The following AHI1 variants were observed in gnomAD, a reference collection of about 807,000 sequenced individuals.
The protein encoded by AHI1 is Abelson helper integration site 1, also known as jouberin.
AHI1 carries 123 observed loss-of-function variants against 149.3 expected under a neutral mutation model. That is an observed-to-expected ratio of 0.82 (90% confidence interval 0.71 to 0.96). AHI1 has a LOEUF of 0.96. Ranked by LOEUF, AHI1 falls within the 40% of genes least tolerant of loss-of-function variation. AHI1 has a pLI of 0.00. For missense variants in AHI1, 1,439 were observed against 1,422.7 expected (o/e 1.01, Z -0.18); for synonymous variants, 475 against 459.8 (o/e 1.03, Z -0.42).
intron 20 of AHI1, among the ~76,000 whole-genome samples, chr6:135,421,805 G>C (rs2127995624): frequency 6.6e-6 from 1 of 152,190 alleles, no homozygotes; most frequent in African/African-American, 2.4e-5. Flanking sequence ...TATTAAAATA[G>C]GTACTTCAGC....
chr6:135,334,615 A>G (rs994623297), intron 24 of AHI1, among the ~76,000 whole-genome samples: 2 of 152,238 alleles, frequency 1.3e-5, no homozygotes, highest in African/African-American at 2.4e-5. Flanking sequence ...TTACATTGAA[A>G]AAGTTTCTAA....
At position 135,414,148 on chromosome 6, in the gene AHI1, A is replaced by G. The variant is rs1025619089; in HGVS notation, c.2765-2604T>C. Among the ~76,000 whole-genome samples, 3 of 152,224 alleles carry G rather than the reference A, an allele frequency of 2.0e-5. No individual in the cohort carries two copies. In the South Asian group the frequency reaches 6.2e-4, roughly 31 times the overall value. ...TAAATAAACAGATCAACAGAATAGT[A>G]TAGAGTGCCCAGGGTGTATAGACAA... On this transcript the variant is annotated intron_variant, in intron 20 of 28. Coordinates refer to ENST00000265602, the MANE Select transcript of AHI1 (RefSeq NM_001134831.2).
At chr6:135,302,130 T>C (rs1783954236) in intron 26 of AHI1, 1 of 984,448 alleles carries the variant, frequency 1.0e-6, no homozygotes, top group Admixed American at 6.1e-5. Flanking sequence ...TTGCTGGGAT[T>C]ACAGGTGTGC....
intron 5 of AHI1, 43 bp downstream of exon 5, chr6:135,490,580 T>C: frequency 1.2e-6 from 2 of 1,610,416 alleles, no homozygotes; most frequent in South Asian, 1.1e-5. Flanking sequence ...CTGCATTTTA[T>C]GCGCATATGT....
At chr6:135,478,638 C>G (rs192413569) in intron 5 of AHI1, among the ~76,000 whole-genome samples, 50 of 152,292 alleles carry the variant, frequency 3.3e-4, no homozygotes, top group Non-Finnish European at 6.6e-4. Flanking sequence ...AAATTTGCAG[C>G]CTGATCAAGA....
chr6:135,425,769 T>G (rs1465378374), intron 20 of AHI1, among the ~76,000 whole-genome samples: 3 of 151,790 alleles, frequency 2.0e-5, no homozygotes, highest in African/African-American at 7.2e-5. Context: ...TAGAATGGAC[T>G]TCTTTGCTTA....
chr6:135,327,749 T>C (rs1203473174), intron 24 of AHI1, among the ~76,000 whole-genome samples: 1 of 152,036 alleles, frequency 6.6e-6, no homozygotes, highest in Non-Finnish European at 1.5e-5. Context: ...CCCTCTACCC[T>C]GGAGGAAGGA....
intron 10 of AHI1, among the ~76,000 whole-genome samples, chr6:135,454,330 T>C (rs1240300110): frequency 6.6e-6 from 1 of 152,142 alleles, no homozygotes; most frequent in Non-Finnish European, 1.5e-5. Flanking sequence ...GAATATCTCT[T>C]CATGTCAATA....
chr6:135,452,729 T>G (rs1252810998), intron 11 of AHI1, among the ~76,000 whole-genome samples: 1 of 152,106 alleles, frequency 6.6e-6, no homozygotes, highest in Non-Finnish European at 1.5e-5. Flanking sequence ...CTCCCCTTAG[T>G]CTCTGTCCTC....
At chr6:135,489,389 C>A (rs1263602681) in intron 5 of AHI1, among the ~76,000 whole-genome samples, 1 of 152,108 alleles carries the variant, frequency 6.6e-6, no homozygotes, top group Non-Finnish European at 1.5e-5. Context: ...GCATTTTGTT[C>A]ATGGCTCACA....
chr6:135,365,572 C>G (rs951007094), intron 23 of AHI1, among the ~76,000 whole-genome samples: 4 of 152,114 alleles, frequency 2.6e-5, no homozygotes, highest in South Asian at 2.1e-4. Context: ...TGTTTTGCAG[C>G]TACTGTAAAG....
At chr6:135,332,041 C>A (rs111415631) in intron 24 of AHI1, among the ~76,000 whole-genome samples, 2,647 of 150,990 alleles carry the variant, frequency 0.018, 73 homozygotes, top group African/African-American at 0.061. Flanking sequence ...TCTGGCATGC[C>A]ATTACTTGAT....
chr6:135,476,771 A>G (rs1460510908), intron 5 of AHI1, among the ~76,000 whole-genome samples: 3 of 152,142 alleles, frequency 2.0e-5, no homozygotes, highest in African/African-American at 7.2e-5. Flanking sequence ...TTTCTCTGCT[A>G]TCAATATAAC....
Position 135,374,106 on chromosome 6 carries a change from ATATTTTTTTTTTT to A in AHI1, c.3110-15932_3110-15920del, listed in dbSNP as rs1161793997. Among the ~76,000 whole-genome samples the A allele has an allele frequency of 1.0e-4, 3 of 29,442 alleles. No homozygotes were observed. The Admixed American group carries it at 1.5e-3, about 15-fold the overall frequency. 19.3% of individuals were successfully genotyped at this position (29,442 alleles called of 152,430 possible). On this transcript the variant is annotated intron_variant, in intron 23 of 28. Coordinates refer to ENST00000265602, the MANE Select transcript of AHI1 (RefSeq NM_001134831.2). Reference sequence around the variant, plus strand: ...CATATATATATATATATATATATATATATTTTTTTTTTTTTTTTTTTTTTTGAGATGGAGTCTT... The same window carrying A: ...CATATATATATATATATATATATATATTTTTTTTTTTTGAGATGGAGTCTT...
chr6:135,303,805 T>C (rs1281110169), intron 26 of AHI1, among the ~76,000 whole-genome samples: 1 of 152,212 alleles, frequency 6.6e-6, no homozygotes, highest in African/African-American at 2.4e-5. Flanking sequence ...TAGGTTTGCA[T>C]GGCCTGGCAC....
chr6:135,382,787 A>G, intron 23 of AHI1, among the ~76,000 whole-genome samples: 1 of 151,058 alleles, frequency 6.6e-6, no homozygotes, highest in African/African-American at 2.4e-5. Flanking sequence ...AAATAAAAAA[A>G]ACTGTTATTT....
intron 23 of AHI1, among the ~76,000 whole-genome samples, chr6:135,378,052 T>C (rs1453518247): frequency 6.6e-6 from 1 of 152,190 alleles, no homozygotes; most frequent in African/African-American, 2.4e-5. Flanking sequence ...TGATTAGTAT[T>C]TGTTCCTTTA....
chr6:135,428,693 T>C lies in AHI1; in HGVS notation c.2559A>G (p.Pro853=). The part of the protein sequence containing the change: ...YREKIHSTLT[P]CGTFLFAGSE... ...TTCCAGCAAACAGAAAAGTCCCACA[T>C]GGAGTCAAAGTACTATGAATCTTCT... Residue 853 remains proline, a synonymous_variant, in exon 19 of 29, where the codon CCA becomes CCG. Coordinates refer to ENST00000265602, the MANE Select transcript of AHI1 (RefSeq NM_001134831.2). 6.2e-7 allele frequency: 1 copy of C among 1,609,120 alleles called. No homozygotes were observed. The highest frequency in any genetic ancestry group is 8.5e-7 in the Non-Finnish European group (1 of 1,177,074).
chr6:135,457,488 A>T lies in AHI1; in HGVS notation c.1151+6T>A, dbSNP rs1349128788. Reference sequence around the variant, plus strand: ...AAGAATTAGTTGTGCAATTAAAAAAAATTACCTATCATCTTTCTTGACATA... The same window carrying T: ...AAGAATTAGTTGTGCAATTAAAAAATATTACCTATCATCTTTCTTGACATA... On this transcript the variant is annotated splice_donor_region_variant and intron_variant, in intron 9 of 28. Coordinates refer to ENST00000265602, the MANE Select transcript of AHI1 (RefSeq NM_001134831.2). The T allele has an allele frequency of 6.2e-7, 1 of 1,601,050 alleles. No homozygotes were observed. The highest frequency in any genetic ancestry group is 8.5e-7 in the Non-Finnish European group (1 of 1,171,310).
Sources: allele counts gnomAD v4.1 joint callset (sites outside exome capture counted in the v4.1 genomes callset), GRCh38; gene constraint gnomAD v4.1.1; transcripts MANE v1.5; gene names NCBI Gene and HGNC (gene_info 2026-07-23, HGNC 2026-07-21).